SLC35F3: variants seen among roughly 807,000 people sequenced by gnomAD.
The protein encoded by SLC35F3 is solute carrier family 35 member F3, also known as putative thiamine transporter SLC35F3.
A neutral mutation model predicts 49.9 loss-of-function variants in SLC35F3; 25 were observed. That is an observed-to-expected ratio of 0.50 (90% CI 0.37 to 0.70). The LOEUF (loss-of-function observed/expected upper bound fraction) is 0.70, where lower values mean the gene tolerates loss of function less well. SLC35F3 is among the 30% of genes least tolerant of loss of function. The pLI is 0.00. For missense variants in SLC35F3, 525 were observed against 639.8 expected, an observed-to-expected ratio of 0.82 and a Z score of 1.94; for synonymous variants, 275 against 265.4, an observed-to-expected ratio of 1.04 and a Z score of -0.35.
intron 2 of SLC35F3, among the ~76,000 whole-genome samples, chr1:234,052,284 G>T (rs1664389152): frequency 6.6e-6 from 1 of 152,102 alleles, no homozygotes; most frequent in African/African-American, 2.4e-5. Flanking sequence ...TTTTTTGTTG[G>T]TATGCTATTA....
At chr1:234,313,941 C>A (rs928414647) in intron 4 of SLC35F3, among the ~76,000 whole-genome samples, 1 of 152,242 alleles carries the variant, frequency 6.6e-6, no homozygotes, top group Admixed American at 6.5e-5. Flanking sequence ...GAGCTCTGCT[C>A]CCAAAGGCAC....
intron 2 of SLC35F3, among the ~76,000 whole-genome samples, chr1:234,010,283 G>T (rs1663695493): frequency 6.6e-6 from 1 of 152,164 alleles, no homozygotes; most frequent in Non-Finnish European, 1.5e-5. Flanking sequence ...TTATCAGCTT[G>T]AAATACCTGG....
In SLC35F3 at chr1:234,214,575, G is replaced by A; in HGVS notation, c.284-16842G>A. The A allele has an allele frequency of 1.3e-6, 2 of 1,540,630 alleles. No individual in the cohort carries two copies. Among genetic ancestry groups the A allele is most frequent in the Non-Finnish European group, 1.7e-6 (2 of 1,145,344 alleles). ...GTCCTGACCCTTACCAAAGTGGAAG[G>A]TAATGCGCGGCCGCCTCGCCCCGGG... On this transcript the variant is annotated intron_variant, in intron 2 of 7. Transcript: ENST00000366618. This position sits in a 1 kb window ranked among gnomAD's most constrained non-coding sequence, Gnocchi z 8.0.
intron 3 of SLC35F3, among the ~76,000 whole-genome samples, chr1:234,275,760 A>T (rs1294736333): frequency 1.4e-5 from 2 of 138,370 alleles, no homozygotes; most frequent in Non-Finnish European, 3.1e-5. Flanking sequence ...TTGAAAAAAA[A>T]AAAATATATA....
chr1:233,910,889 G>A, intron 2 of SLC35F3, among the ~76,000 whole-genome samples: 1 of 152,162 alleles, frequency 6.6e-6, no homozygotes, highest in Admixed American at 6.5e-5. Flanking sequence ...AATGGAGAGA[G>A]GGTCAGTCTT....
chr1:234,116,857 C>T (rs1310610348), intron 2 of SLC35F3, among the ~76,000 whole-genome samples: 1 of 152,156 alleles, frequency 6.6e-6, no homozygotes, highest in African/African-American at 2.4e-5. Context: ...TTTACATATT[C>T]CCATCATTCT....
rs370581982 is a variant in SLC35F3 at position 234,014,768 on chromosome 1, CAA to C, written c.283+109012_283+109013del. ...TAAAATGCATAGGAATAAATTTAAA[CAA>C]AGAGGTGAAAGATCTGTACGTTGAA... is the stretch of plus-strand genomic sequence containing the variant. On this transcript the variant is annotated intron_variant, in intron 2 of 7. Coordinates refer to ENST00000366618, the MANE Select transcript of SLC35F3 (RefSeq NM_173508.4). Among the ~76,000 whole-genome samples the C allele has an allele frequency of 2.6e-4, 39 of 151,798 alleles. No homozygotes were observed. In the East Asian group the frequency reaches 6.2e-3, roughly 24 times the overall value.
chr1:233,935,001 T>G (rs916163994), intron 2 of SLC35F3, among the ~76,000 whole-genome samples: 8 of 151,686 alleles, frequency 5.3e-5, no homozygotes, highest in African/African-American at 1.9e-4. Context: ...TTGCAAGAGC[T>G]GACTTCCAGG....
intron 2 of SLC35F3, among the ~76,000 whole-genome samples, chr1:233,950,296 G>A (rs1662581887): frequency 7.2e-6 from 1 of 139,214 alleles, no homozygotes; most frequent in African/African-American, 2.8e-5. Flanking sequence ...TGAGGCAGGA[G>A]AATGACATGG....
chr1:234,226,426 C>T (rs1667286094), intron 2 of SLC35F3, among the ~76,000 whole-genome samples: 3 of 151,638 alleles, frequency 2.0e-5, no homozygotes, highest in African/African-American at 4.8e-5. Flanking sequence ...CACTTATTCT[C>T]GGGGAAGCTC....
chr1:234,321,760 C>G (rs527324657), intron 7 of SLC35F3, among the ~76,000 whole-genome samples: 46 of 152,306 alleles, frequency 3.0e-4, no homozygotes, highest in African/African-American at 1.0e-3. Context: ...GGGACCCTGC[C>G]GCGTATCTCA....
Position 234,037,616 on chromosome 1 carries a change from G to C in SLC35F3, c.283+131858G>C, listed in dbSNP as rs116582737. On this transcript the variant is annotated intron_variant, in intron 2 of 7. Coordinates refer to ENST00000366618, the MANE Select transcript of SLC35F3 (RefSeq NM_173508.4). ...TAAGTGGATGGATAATAGAACGTCAGGTAGGTATGGAAGAAAAAATAAAGC... is the reference window on the plus strand; with the variant it reads ...TAAGTGGATGGATAATAGAACGTCACGTAGGTATGGAAGAAAAAATAAAGC... Among the ~76,000 whole-genome samples, 380 of 152,338 alleles carry C rather than the reference G, an allele frequency of 2.5e-3. 1 individual carries two copies. The highest frequency in any genetic ancestry group is 8.5e-3 in the African/African-American group (355 of 41,574).
At position 234,231,870 on chromosome 1, in the gene SLC35F3, G is replaced by A. The variant is rs900996838; in HGVS notation, c.608+129G>A. ...GGAGCCCGTGGAGAGATGTTGCAGT[G>A]AATGCACCTGCTCTCAGTGGGGTCG... On this transcript the variant is annotated intron_variant, in intron 3 of 7. Coordinates refer to ENST00000366618, the MANE Select transcript of SLC35F3 (RefSeq NM_173508.4). The surrounding 1 kb of genome is among the most constrained non-coding windows in gnomAD (Gnocchi z 5.4). The A allele has an allele frequency of 2.3e-5, 20 of 863,548 alleles. No homozygotes were observed. In the African/African-American group the frequency reaches 3.1e-4, roughly 13 times the overall value. The allele number at this position is 863,548 out of a possible 1,614,324, so 53.5% of individuals were successfully genotyped here.
chr1:234,219,416 G>A (rs929325449), intron 2 of SLC35F3, among the ~76,000 whole-genome samples: 1 of 152,176 alleles, frequency 6.6e-6, no homozygotes, highest in African/African-American at 2.4e-5. Context: ...CATTCATGTA[G>A]TGATCAAATA....
At chr1:234,062,606 C>A (rs1010037336) in intron 2 of SLC35F3, among the ~76,000 whole-genome samples, 1 of 152,062 alleles carries the variant, frequency 6.6e-6, no homozygotes, top group Non-Finnish European at 1.5e-5. Flanking sequence ...GGCTCTGTTG[C>A]AAATGAAGTC....
chr1:234,268,334 A>C (rs890635705), intron 3 of SLC35F3, among the ~76,000 whole-genome samples: 87 of 108,578 alleles, frequency 8.0e-4, no homozygotes, highest in Admixed American at 1.7e-3. Flanking sequence ...GCGCGCCTGC[A>C]ATCGCACGCA....
At chr1:234,151,447 GA>G (rs1275752345) in intron 2 of SLC35F3, among the ~76,000 whole-genome samples, 1 of 151,690 alleles carries the variant, frequency 6.6e-6, no homozygotes, top group Non-Finnish European at 1.5e-5. Context: ...TCTACACAAT[GA>G]AAGTGTGACG....
intron 3 of SLC35F3, among the ~76,000 whole-genome samples, chr1:234,292,841 T>C (rs1421310128): frequency 1.3e-5 from 2 of 152,222 alleles, no homozygotes; most frequent in East Asian, 3.9e-4. Context: ...TCTCCAGGCC[T>C]GGGCCTCTCC....
chr1:234,079,149 C>G (rs772446990), intron 2 of SLC35F3, among the ~76,000 whole-genome samples: 1 of 152,164 alleles, frequency 6.6e-6, no homozygotes, highest in Non-Finnish European at 1.5e-5. Context: ...AATAGAATGA[C>G]ATAGTTCAGA....
Sources: allele counts gnomAD v4.1 joint callset (sites outside exome capture counted in the v4.1 genomes callset), GRCh38; gene constraint gnomAD v4.1.1; non-coding constraint Gnocchi (gnomAD v3.1); transcripts MANE v1.5; gene names NCBI Gene and HGNC (gene_info 2026-07-23, HGNC 2026-07-21).